FILIP1: variants seen among roughly 807,000 people sequenced by gnomAD.
FILIP1 encodes filamin A interacting protein 1.
Under a neutral mutation model 102.1 loss-of-function variants are expected in FILIP1, and 61 were observed. That is an observed-to-expected ratio of 0.60 (90% CI 0.49 to 0.74). The LOEUF (loss-of-function observed/expected upper bound fraction) is 0.74, where lower values mean the gene tolerates loss of function less well. Ranked by LOEUF, FILIP1 falls within the 30% of genes least tolerant of loss-of-function variation. FILIP1 has a pLI of 0.00. For synonymous variants in FILIP1, 491 were observed against 526.9 expected, an observed-to-expected ratio of 0.93 and a Z score of 0.93; for missense variants, 1,314 against 1,441.2, an observed-to-expected ratio of 0.91 and a Z score of 1.43.
intron 2 of FILIP1, among the ~76,000 whole-genome samples, chr6:75,370,128 T>C (rs1019698523): frequency 6.6e-6 from 1 of 152,242 alleles, no homozygotes; most frequent in Non-Finnish European, 1.5e-5. Flanking sequence ...TTCTTAAATA[T>C]GACCCCATTG....
At chr6:75,367,522 G>C (rs890153945) in intron 2 of FILIP1, 2 of 152,190 alleles carry the variant, frequency 1.3e-5, no homozygotes, top group Non-Finnish European at 2.9e-5. Context: ...TGTAGTCCCA[G>C]CTACTTGGGA....
Position 75,313,857 on chromosome 6 carries a change from C to G in FILIP1, c.1975G>C (p.Glu659Gln). 1.2e-6 allele frequency: 2 copies of G among 1,614,130 alleles called. No individual in the cohort carries two copies. The highest frequency in any genetic ancestry group is 1.7e-6 in the Non-Finnish European group (2 of 1,180,028). The part of the protein sequence containing the change: ...VEGDLMKTED[E>Q]YDQLEQKFRT... ...AATTTCTGTTCCAGCTGATCATACTCATCTTCTGTCTTCATCAAATCCCCT... is the reference window on the plus strand; with the variant it reads ...AATTTCTGTTCCAGCTGATCATACTGATCTTCTGTCTTCATCAAATCCCCT... Residue 659 changes from glutamate (E) to glutamine (Q), a missense_variant, in exon 5 of 6, where the codon GAG becomes CAG. By Grantham distance (29) the Glu-to-Gln change is conservative (BLOSUM62 2). This residue lies in a region of FILIP1 where 816 missense variants were observed against 913.1 expected (regional missense o/e 0.89). Coordinates refer to ENST00000237172, the MANE Select transcript of FILIP1 (RefSeq NM_015687.5). This position sits in a 1 kb window ranked among gnomAD's most constrained non-coding sequence, Gnocchi z 4.2.
At chr6:75,348,062 T>TACACAAACAC (rs1554202433) in intron 4 of FILIP1, among the ~76,000 whole-genome samples, 12 of 147,268 alleles carry the variant, frequency 8.1e-5, no homozygotes, top group Non-Finnish European at 1.5e-4. Flanking sequence ...ACATCAGTTA[T>TACACAAACAC]ACACACACAC....
intron 4 of FILIP1, among the ~76,000 whole-genome samples, chr6:75,347,323 T>C (rs935266067): frequency 6.6e-6 from 1 of 152,228 alleles, no homozygotes; most frequent in African/African-American, 2.4e-5. Context: ...TTAAACAAGA[T>C]GGTACATGTG....
At chr6:75,485,576 A>G (rs574983825) in intron 1 of FILIP1, among the ~76,000 whole-genome samples, 218 of 152,344 alleles carry the variant, frequency 1.4e-3, no homozygotes, top group Middle Eastern at 3.4e-3. Context: ...GAGAAAGCAA[A>G]GCATTATCTG....
intron 2 of FILIP1, among the ~76,000 whole-genome samples, chr6:75,375,155 G>A (rs1164694787): frequency 1.3e-5 from 2 of 152,216 alleles, no homozygotes; most frequent in Admixed American, 6.5e-5. Context: ...CACCCCCATC[G>A]GCCCTTGCCT....
intron 4 of FILIP1, among the ~76,000 whole-genome samples, chr6:75,345,966 T>C (rs1003490349): frequency 3.9e-5 from 6 of 152,174 alleles, no homozygotes; most frequent in African/African-American, 1.2e-4. Context: ...AGCCAAAATA[T>C]ATGGAATCTA....
rs549299188 is a variant in FILIP1 at position 75,387,471 on chromosome 6, C to G, written c.277-24554G>C. 5.9e-5 allele frequency among the ~76,000 whole-genome samples: 9 copies of G among 152,298 alleles called. No individual in the cohort carries two copies. In the East Asian group the frequency reaches 1.7e-3, roughly 29 times the overall value. On this transcript the variant is annotated intron_variant, in intron 2 of 5. Coordinates refer to ENST00000237172, the MANE Select transcript of FILIP1 (RefSeq NM_015687.5). Reference sequence around the variant, plus strand: ...GATTCTTGAGGAATTGCCAAACTGTCTTCCAAAATGGTTGAACTAATTTAC... The same window carrying G: ...GATTCTTGAGGAATTGCCAAACTGTGTTCCAAAATGGTTGAACTAATTTAC...
chr6:75,431,803 G>A (rs771186755), intron 1 of FILIP1, among the ~76,000 whole-genome samples: 55 of 152,036 alleles, frequency 3.6e-4, no homozygotes, highest in Non-Finnish European at 6.6e-4. Flanking sequence ...TGCTCCAAGG[G>A]AATATACACA....
At position 75,391,251 on chromosome 6, in the gene FILIP1, C is replaced by T. The variant is rs149586101; in HGVS notation, c.276+23446G>A. Among the ~76,000 whole-genome samples the T allele has an allele frequency of 7.2e-3, 1,094 of 152,218 alleles. 11 individuals are homozygous for T. The highest frequency in any genetic ancestry group is 0.025 in the African/African-American group (1,054 of 41,548). On this transcript the variant is annotated intron_variant, in intron 2 of 5. Coordinates refer to ENST00000237172, the MANE Select transcript of FILIP1 (RefSeq NM_015687.5). ...CCTTAATGTCATGCCCATTCTCTCA[C>T]ATGATTGTACTCTCTTGGTCAAATT...
intron 1 of FILIP1, among the ~76,000 whole-genome samples, chr6:75,489,771 A>G (rs1485361652): frequency 6.6e-6 from 1 of 152,062 alleles, no homozygotes; most frequent in East Asian, 1.9e-4. Flanking sequence ...GATTTAAAGA[A>G]ACAAAATGTA....
intron 1 of FILIP1, among the ~76,000 whole-genome samples, chr6:75,463,355 T>C (rs1318673184): frequency 6.6e-6 from 1 of 152,242 alleles, no homozygotes; most frequent in Non-Finnish European, 1.5e-5. Flanking sequence ...TGTTCTATTA[T>C]AACCTAATTG....
At chr6:75,429,544 G>T (rs188757453) in intron 1 of FILIP1, among the ~76,000 whole-genome samples, 1 of 152,270 alleles carries the variant, frequency 6.6e-6, no homozygotes, top group East Asian at 1.9e-4. Flanking sequence ...ACCAGGAAAG[G>T]CTCTGTAAGA....
rs1236392747 is a variant in FILIP1 at position 75,308,457 on chromosome 6, A to G, written c.*234T>C. The G allele has an allele frequency of 2.2e-6, 3 of 1,346,540 alleles. No individual in the cohort carries two copies. Among genetic ancestry groups the G allele is most frequent in the Non-Finnish European group, 1.9e-6 (2 of 1,044,896 alleles). 83.4% of individuals were successfully genotyped at this position (1,346,540 alleles called of 1,614,324 possible). The stretch of plus-strand genomic sequence containing the variant: ...TCCACTTGCTAGAAGCAAAACTGGA[A>G]CTAGAAACCACGCCCTGGCTTCTAG... On this transcript the variant is annotated 3_prime_UTR_variant, in exon 6 of 6. Coordinates refer to ENST00000237172, the MANE Select transcript of FILIP1 (RefSeq NM_015687.5).
intron 3 of FILIP1, among the ~76,000 whole-genome samples, chr6:75,356,954 C>A (rs1295117185): frequency 6.6e-6 from 1 of 152,110 alleles, no homozygotes; most frequent in Admixed American, 6.5e-5. Context: ...GTAGAAAAAG[C>A]AACTTTCCCC....
At chr6:75,311,509 T>G (rs1232797549) in intron 5 of FILIP1, among the ~76,000 whole-genome samples, 1 of 151,606 alleles carries the variant, frequency 6.6e-6, no homozygotes, top group Non-Finnish European at 1.5e-5. Context: ...GTTTGCTTGT[T>G]TGTTTGAGAT....
chr6:75,423,488 G>A (rs966935577), intron 1 of FILIP1, among the ~76,000 whole-genome samples: 15 of 152,076 alleles, frequency 9.9e-5, no homozygotes, highest in African/African-American at 2.7e-4. Flanking sequence ...AAAAGGTCAC[G>A]GTCACTGTTT....
rs148284986 is a variant in FILIP1 at position 75,348,062 on chromosome 6, T to TACACACACACACACAC, written c.629+5461_629+5476dup. 9.8e-3 allele frequency among the ~76,000 whole-genome samples: 1,450 copies of TACACACACACACACAC among 147,324 alleles called. 11 individuals are homozygous for TACACACACACACACAC. Among genetic ancestry groups the TACACACACACACACAC allele is most frequent in the African/African-American group, 0.019 (741 of 39,864 alleles). On this transcript the variant is annotated intron_variant, in intron 4 of 5. Transcript: ENST00000237172. ...AGACAGCACTCCTCCACATCAGTTA[T>TACACACACACACACAC]ACACACACACACACACACACACACA...
downstream of FILIP1, among the ~76,000 whole-genome samples, chr6:75,304,001 A>C (rs997203804): frequency 3.3e-5 from 5 of 152,052 alleles, no homozygotes; most frequent in Non-Finnish European, 5.9e-5. Flanking sequence ...AAAATATGAA[A>C]CTGGTGTGTT....
Sources: allele counts gnomAD v4.1 joint callset (sites outside exome capture counted in the v4.1 genomes callset), GRCh38; gene constraint gnomAD v4.1.1; regional missense constraint gnomAD v4.1.1; non-coding constraint Gnocchi (gnomAD v3.1); transcripts MANE v1.5; gene names NCBI Gene and HGNC (gene_info 2026-07-23, HGNC 2026-07-21).